The following PLPP1 variants were observed in gnomAD, a reference collection of about 807,000 sequenced individuals.
PLPP1 encodes the protein phospholipid phosphatase 1.
A neutral mutation model predicts 31.2 loss-of-function variants in PLPP1; 24 were observed. The observed-to-expected ratio is 0.77, with a 90% CI of 0.56 to 1.08. The LOEUF is 1.08. Ranked by LOEUF, PLPP1 falls within the 50% of genes least tolerant of loss-of-function variation. The pLI, the probability that PLPP1 is intolerant of heterozygous loss-of-function variation, is 0.00. For synonymous variants in PLPP1, 146 were observed against 126.3 expected, an observed-to-expected ratio of 1.16 and a Z score of -1.05; for missense variants, 319 against 342.7, an observed-to-expected ratio of 0.93 and a Z score of 0.55.
intron 1 of PLPP1, among the ~76,000 whole-genome samples, chr5:55,531,169 C>A (rs1325942140): frequency 8.5e-5 from 13 of 152,234 alleles, no homozygotes; most frequent in African/African-American, 3.1e-4. Context: ...TCTCAAAATT[C>A]TCATTCTTTT....
chr5:55,515,646 C>A (rs1208346469), intron 1 of PLPP1, among the ~76,000 whole-genome samples: 1 of 151,966 alleles, frequency 6.6e-6, no homozygotes, highest in Non-Finnish European at 1.5e-5. Context: ...TCTTGTTTGA[C>A]CCTTCAGAAC....
Position 55,448,637 on chromosome 5 carries a change from G to A in PLPP1, c.492-6729C>T, listed in dbSNP as rs540665131. 9.2e-5 allele frequency among the ~76,000 whole-genome samples: 14 copies of A among 151,992 alleles called. No homozygotes were observed. In the South Asian group the frequency reaches 2.1e-3, roughly 23 times the overall value. On this transcript the variant is annotated intron_variant, in intron 3 of 5. Coordinates refer to ENST00000307259, the MANE Select transcript of PLPP1 (RefSeq NM_003711.4). ...TAATTTTTGTATTTTTTGTAGAGATGGAGTTTCACCATGCTGGCCAGGCTG... is the reference window on the plus strand; with the variant it reads ...TAATTTTTGTATTTTTTGTAGAGATAGAGTTTCACCATGCTGGCCAGGCTG...
chr5:55,488,346 A>C (rs909800650), intron 1 of PLPP1, among the ~76,000 whole-genome samples: 2 of 151,918 alleles, frequency 1.3e-5, no homozygotes, highest in African/African-American at 4.8e-5. Context: ...TCATAATGAT[A>C]TAAAAACTGT....
intron 1 of PLPP1, among the ~76,000 whole-genome samples, chr5:55,498,925 T>G (rs555976510): frequency 6.6e-6 from 1 of 151,728 alleles, no homozygotes; most frequent in South Asian, 2.1e-4. Flanking sequence ...CAGCATTACC[T>G]CTAAGCAAAC....
At chr5:55,464,055 T>C (rs969872248) in intron 3 of PLPP1, among the ~76,000 whole-genome samples, 1 of 151,660 alleles carries the variant, frequency 6.6e-6, no homozygotes, top group Non-Finnish European at 1.5e-5. Context: ...TAAGGAAATA[T>C]AAATTAAAAC....
chr5:55,521,510 C>CT (rs1316325041), intron 1 of PLPP1, among the ~76,000 whole-genome samples: 1 of 151,872 alleles, frequency 6.6e-6, no homozygotes, highest in African/African-American at 2.4e-5. Context: ...GAGCGAGACT[C>CT]TGTCTCAAAA....
At chr5:55,474,925 G>A (rs767783586) in intron 2 of PLPP1, among the ~76,000 whole-genome samples, 55 of 151,950 alleles carry the variant, frequency 3.6e-4, no homozygotes, top group South Asian at 8.3e-4. Context: ...GGTTCTTTTC[G>A]TGTTTTTTTT....
chr5:55,460,402 G>T (rs1235889750), intron 3 of PLPP1, among the ~76,000 whole-genome samples: 1 of 151,842 alleles, frequency 6.6e-6, no homozygotes, highest in Non-Finnish European at 1.5e-5. Flanking sequence ...TAACCAAAAG[G>T]TTAATAAAAT....
At chr5:55,431,382 T>C (rs974216738) in intron 4 of PLPP1, among the ~76,000 whole-genome samples, 4 of 152,122 alleles carry the variant, frequency 2.6e-5, no homozygotes, top group Non-Finnish European at 5.9e-5. Flanking sequence ...GAAAATGGGA[T>C]GATGTATTGA....
intron 1 of PLPP1, among the ~76,000 whole-genome samples, chr5:55,501,565 C>T (rs868079156): frequency 2.6e-5 from 4 of 152,174 alleles, no homozygotes; most frequent in Admixed American, 1.3e-4. Flanking sequence ...AGTGCAATGG[C>T]GTGATCTTGG....
At chr5:55,486,774 G>A (rs576151009) in intron 1 of PLPP1, among the ~76,000 whole-genome samples, 1 of 151,986 alleles carries the variant, frequency 6.6e-6, no homozygotes, top group African/African-American at 2.4e-5. Flanking sequence ...TTAGCAAGGC[G>A]TGATGGCACA....
rs189105769 is a variant in PLPP1 at position 55,442,968 on chromosome 5, C to A, written c.492-1060G>T. ...CAAATAACTAGAATGCATCTCCCAA[C>A]CACTTTTCCCTACGTAAGAATAAGA... On this transcript the variant is annotated intron_variant, in intron 3 of 5. Transcript: ENST00000307259. 2.2e-4 allele frequency among the ~76,000 whole-genome samples: 33 copies of A among 151,770 alleles called. No homozygotes were observed. In the East Asian group the frequency reaches 6.0e-3, roughly 28 times the overall value.
Position 55,425,364 on chromosome 5 carries a change from T to A in PLPP1, c.727-30A>T, listed in dbSNP as rs752615289. 2.4e-5 allele frequency: 37 copies of A among 1,541,980 alleles called. No homozygotes were observed. The Admixed American group carries it at 6.9e-4, about 29-fold the overall frequency. ...AGTGCAAAATATTTAATGGTATAATTTAGATCAAGTTAAAAACTACATACA... is the reference window on the plus strand; with the variant it reads ...AGTGCAAAATATTTAATGGTATAATATAGATCAAGTTAAAAACTACATACA... On this transcript the variant is annotated intron_variant, in intron 5 of 5. Coordinates refer to ENST00000307259, the MANE Select transcript of PLPP1 (RefSeq NM_003711.4).
intron 1 of PLPP1, among the ~76,000 whole-genome samples, chr5:55,531,755 A>G (rs1349548832): frequency 6.6e-6 from 1 of 152,346 alleles, no homozygotes; most frequent in Non-Finnish European, 1.5e-5. Context: ...TTGCTATATA[A>G]CACGTGTCTT....
chr5:55,478,378 C>T (rs1752602230), intron 1 of PLPP1, among the ~76,000 whole-genome samples: 1 of 152,128 alleles, frequency 6.6e-6, no homozygotes, highest in Non-Finnish European at 1.5e-5. Context: ...GAATAAGGCA[C>T]AGTACATAAT....
intron 3 of PLPP1, among the ~76,000 whole-genome samples, chr5:55,450,806 C>T (rs910919602): frequency 1.3e-5 from 2 of 152,220 alleles, no homozygotes; most frequent in African/African-American, 4.8e-5. Flanking sequence ...CACTCCTTTG[C>T]AGGCAACTGT....
chr5:55,473,986 G>T (rs1579949234), intron 2 of PLPP1, among the ~76,000 whole-genome samples: 1 of 31,910 alleles, frequency 3.1e-5, no homozygotes, highest in Non-Finnish European at 8.2e-5. Context: ...TGGTTTTTTT[G>T]TTTGTTTGTT....
chr5:55,488,934 C>T (rs529323334), intron 1 of PLPP1, among the ~76,000 whole-genome samples: 1 of 152,142 alleles, frequency 6.6e-6, no homozygotes, highest in East Asian at 1.9e-4. Context: ...GAGGCTGAGG[C>T]AGGAGAATCG....
chr5:55,456,577 C>T (rs1428205879), intron 3 of PLPP1, among the ~76,000 whole-genome samples: 1 of 152,098 alleles, frequency 6.6e-6, no homozygotes. Context: ...AATATTTAGA[C>T]TGGATTTTTT....
Sources: gnomAD v4.1 joint callset for allele counts (sites outside exome capture counted in the v4.1 genomes callset) on GRCh38, gnomAD v4.1.1 for gene constraint, MANE v1.5 for transcripts, NCBI Gene and HGNC (gene_info 2026-07-23, HGNC 2026-07-21) for gene names.